Variants in MAP3K21 observed in about 807,000 individuals in gnomAD.
MAP3K21 encodes the protein mitogen-activated protein kinase kinase kinase MLK4.
In MAP3K21, 63 loss-of-function variants were observed where a neutral mutation model predicts 86.1. The observed-to-expected ratio is 0.73, with a 90% CI of 0.60 to 0.90. The LOEUF (loss-of-function observed/expected upper bound fraction) is 0.90. MAP3K21 is among the 40% of genes least tolerant of loss of function. The probability of loss-of-function intolerance (pLI) is 0.00; values close to 1 mark genes in which losing one functional copy is unlikely to be tolerated. For missense variants in MAP3K21, 1,220 were observed against 1,367.7 expected, an observed-to-expected ratio of 0.89 and a Z score of 1.70; for synonymous variants, 558 against 564.8, an observed-to-expected ratio of 0.99 and a Z score of 0.17.
At chr1:233,342,575 C>T (rs1328976257) in intron 1 of MAP3K21, among the ~76,000 whole-genome samples, 1 of 152,148 alleles carries the variant, frequency 6.6e-6, no homozygotes, top group Non-Finnish European at 1.5e-5. Flanking sequence ...TTGTACATAG[C>T]TTTGTTAGAG....
In MAP3K21 at chr1:233,328,383, G is replaced by T; in HGVS notation, c.355G>T (p.Val119Phe). The T allele has an allele frequency of 1.3e-6, 2 of 1,485,496 alleles. No individual in the cohort carries two copies. The highest frequency in any genetic ancestry group is 1.8e-6 in the Non-Finnish European group (2 of 1,125,520). The allele number at this position is 1,485,496 out of a possible 1,614,324, so 92.0% of individuals were successfully genotyped here. The change falls in exon 1 of 10, where the codon GTC becomes TTC. Residue 119 changes from valine to phenylalanine, a missense_variant. Coordinates refer to ENST00000366624, the MANE Select transcript of MAP3K21 (RefSeq NM_032435.3). The surrounding 1 kb of genome is among the most constrained non-coding windows in gnomAD (Gnocchi z 8.7). ...PPSRPSSPVH[V>F]AFERLELKEL... The stretch of plus-strand genomic sequence containing the variant: ...CTCGCGGCCCAGCTCCCCGGTACAC[G>T]TCGCCTTCGAGCGGCTGGAGCTGAA...
chr1:233,380,251 G>C (rs1273739232), intron 9 of MAP3K21, among the ~76,000 whole-genome samples: 1 of 152,196 alleles, frequency 6.6e-6, no homozygotes, highest in Non-Finnish European at 1.5e-5. Context: ...GTGTCTGAAG[G>C]GTTGGTTCCT....
chr1:233,337,108 T>C (rs893904313), intron 1 of MAP3K21, among the ~76,000 whole-genome samples: 1 of 152,196 alleles, frequency 6.6e-6, no homozygotes, highest in African/African-American at 2.4e-5. Context: ...AGTGTATGTC[T>C]GGGGTCGGCA....
intron 5 of MAP3K21, among the ~76,000 whole-genome samples, chr1:233,365,015 A>G (rs1342035367): frequency 6.6e-6 from 1 of 152,206 alleles, no homozygotes; most frequent in Non-Finnish European, 1.5e-5. Flanking sequence ...ATATCCTAGA[A>G]TGGGACAGAC....
intron 6 of MAP3K21, chr1:233,372,493 A>G (rs1336129113): frequency 2.0e-5 from 7 of 342,616 alleles, no homozygotes; most frequent in East Asian, 1.3e-4. Context: ...CATTTGTGTC[A>G]GGGTACTTTG....
chr1:233,363,058 C>T (rs1432070467), intron 5 of MAP3K21, among the ~76,000 whole-genome samples: 1 of 151,992 alleles, frequency 6.6e-6, no homozygotes, highest in African/African-American at 2.4e-5. Context: ...AAAACAAATA[C>T]CTCCATGGTA....
At chr1:233,371,749 T>TTGTGTGTGTGTGTGTGTGTGTGTGTG (rs71574858) in intron 5 of MAP3K21, among the ~76,000 whole-genome samples, 1 of 147,668 alleles carries the variant, frequency 6.8e-6, no homozygotes, top group African/African-American at 2.5e-5. Context: ...ATATTTTCCT[T>TTGTGTGTGTGTGTGTGTGTGTGTGTG]TGTGTGTGTG....
chr1:233,347,958 C>A (rs1027574062), intron 2 of MAP3K21, among the ~76,000 whole-genome samples: 4 of 119,740 alleles, frequency 3.3e-5, no homozygotes, highest in Non-Finnish European at 7.0e-5. Flanking sequence ...CATTAAAGTT[C>A]CATTTTTTTC....
chr1:233,328,387 C>T lies in MAP3K21; in HGVS notation c.359C>T (p.Ala120Val). Residue 120 changes from alanine to valine, a missense_variant, in exon 1 of 10, where the codon GCC (alanine) becomes GTC (valine). Ala to Val is a moderately conservative substitution (Grantham distance 64). Transcript: ENST00000366624. This position sits in a 1 kb window ranked among gnomAD's most constrained non-coding sequence, Gnocchi z 8.7. ...CGGCCCAGCTCCCCGGTACACGTCG[C>T]CTTCGAGCGGCTGGAGCTGAAGGAG... ...PSRPSSPVHV[A>V]FERLELKELI... The T allele has an allele frequency of 1.3e-6, 2 of 1,486,774 alleles. No individual in the cohort carries two copies. The highest frequency in any genetic ancestry group is 2.9e-5 in the East Asian group (1 of 34,664). 92.1% of individuals were successfully genotyped at this position (1,486,774 alleles called of 1,614,324 possible).
chr1:233,371,696 C>CT (rs1209051569), intron 5 of MAP3K21, among the ~76,000 whole-genome samples: 1 of 151,736 alleles, frequency 6.6e-6, no homozygotes, highest in African/African-American at 2.4e-5. Context: ...GCAGATAACT[C>CT]TTTTTTCCCA....
chr1:233,342,953 G>T (rs971673726), intron 1 of MAP3K21, among the ~76,000 whole-genome samples: 12 of 152,150 alleles, frequency 7.9e-5, no homozygotes, highest in African/African-American at 2.9e-4. Context: ...GAATAGAAGA[G>T]ATGGTTCTTG....
At position 233,379,292 on chromosome 1, in the gene MAP3K21, A is replaced by C. The variant is rs1663860052; in HGVS notation, c.2286A>C (p.Gly762=). 8.1e-6 allele frequency: 13 copies of C among 1,614,230 alleles called. No individual in the cohort carries two copies. Among genetic ancestry groups the C allele is most frequent in the Non-Finnish European group, 1.1e-5 (13 of 1,180,044 alleles). ...AGGAAGAGAAGAAGAAACGAGAGGG[A>C]ATCTTCCAGCGGGCTTCCAAGTCCC... is the stretch of plus-strand genomic sequence containing the variant. ...LPKEEKKKRE[G]IFQRASKSRR... is the part of the protein sequence containing the mutation. Residue 762 remains glycine (G), a synonymous_variant, in exon 9 of 10, where the codon GGA becomes GGC. Coordinates refer to ENST00000366624, the MANE Select transcript of MAP3K21 (RefSeq NM_032435.3).
intron 5 of MAP3K21, among the ~76,000 whole-genome samples, chr1:233,370,262 G>A (rs1159542422): frequency 1.3e-5 from 2 of 152,144 alleles, no homozygotes; most frequent in African/African-American, 4.8e-5. Flanking sequence ...CTGTGAAATA[G>A]GAATAATTAG....
At chr1:233,349,320 A>C (rs1308677802) in intron 2 of MAP3K21, among the ~76,000 whole-genome samples, 1 of 152,246 alleles carries the variant, frequency 6.6e-6, no homozygotes, top group East Asian at 1.9e-4. Context: ...TTATACTTCA[A>C]GACTCTAAAA....
chr1:233,357,791 T>C (rs1663392066), intron 4 of MAP3K21, among the ~76,000 whole-genome samples: 2 of 152,160 alleles, frequency 1.3e-5, no homozygotes, highest in Admixed American at 6.5e-5. Context: ...AGAAACCAGT[T>C]GCTTGTTATT....
intron 5 of MAP3K21, among the ~76,000 whole-genome samples, chr1:233,363,729 G>A (rs960985038): frequency 6.7e-6 from 1 of 150,212 alleles, no homozygotes; most frequent in African/African-American, 2.4e-5. Context: ...AAAGAAGGCT[G>A]GGCATGGTGG....
chr1:233,343,615 A>G (rs990099717), intron 1 of MAP3K21, among the ~76,000 whole-genome samples: 10 of 152,194 alleles, frequency 6.6e-5, no homozygotes, highest in Admixed American at 1.3e-4. Context: ...AAATTAGTAA[A>G]AGCTGTCAAC....
intron 6 of MAP3K21, among the ~76,000 whole-genome samples, chr1:233,375,093 C>A (rs1047429204): frequency 6.6e-6 from 1 of 151,910 alleles, no homozygotes; most frequent in Non-Finnish European, 1.5e-5. Context: ...AGGCGCCCGC[C>A]ACCATGCCCA....
chr1:233,327,899 A>C lies in MAP3K21; in HGVS notation c.-130A>C, dbSNP rs1425144141. ...CAGCTAGCCCGTGATCTCTGCCGTCACCGATCGCGATTCCTACCCCCTCGC... is the reference window on the plus strand; with the variant it reads ...CAGCTAGCCCGTGATCTCTGCCGTCCCCGATCGCGATTCCTACCCCCTCGC... On this transcript the variant is annotated 5_prime_UTR_variant, in exon 1 of 10. Transcript: ENST00000366624. 6.0e-6 allele frequency: 4 copies of C among 670,620 alleles called. No individual in the cohort carries two copies. The African/African-American group carries it at 7.6e-5, about 13-fold the overall frequency. 41.5% of individuals were successfully genotyped at this position (670,620 alleles called of 1,614,324 possible).
Sources: gnomAD v4.1 joint callset for allele counts (sites outside exome capture counted in the v4.1 genomes callset) on GRCh38, gnomAD v4.1.1 for gene constraint, Gnocchi (gnomAD v3.1) non-coding constraint, MANE v1.5 for transcripts, NCBI Gene and HGNC (gene_info 2026-07-23, HGNC 2026-07-21) for gene names.